SH2D4A: variants seen among roughly 807,000 people sequenced by gnomAD.
SH2D4A encodes the protein SH2 domain containing 4A, also known as SH2 domain-containing protein 4A.
In SH2D4A, 70 loss-of-function variants were observed where a neutral mutation model predicts 64.7. That is an observed-to-expected ratio of 1.08 (90% confidence interval 0.89 to 1.32). The LOEUF is 1.32. Ranked by LOEUF, SH2D4A falls within the 40% of genes most tolerant of loss-of-function variation. SH2D4A has a pLI of 0.00. For synonymous variants in SH2D4A, 268 were observed against 200.7 expected, an observed-to-expected ratio of 1.34 and a Z score of -2.83; for missense variants, 706 against 540.1, an observed-to-expected ratio of 1.31 and a Z score of -3.04.
intron 4 of SH2D4A, among the ~76,000 whole-genome samples, chr8:19,349,314 T>C (rs1229276364): frequency 6.6e-6 from 1 of 152,208 alleles, no homozygotes; most frequent in Admixed American, 6.5e-5. Flanking sequence ...AATAAAATCT[T>C]ATATAAGATA....
intron 2 of SH2D4A, 21 bp from the exon 3 acceptor site, chr8:19,332,934 T>G: frequency 6.2e-7 from 1 of 1,603,068 alleles, no homozygotes; most frequent in East Asian, 2.2e-5. Flanking sequence ...CTGAATTTTT[T>G]GTTTGTGTGT....
intron 4 of SH2D4A, among the ~76,000 whole-genome samples, chr8:19,356,632 C>T (rs956293922): frequency 1.3e-5 from 2 of 152,144 alleles, no homozygotes; most frequent in Admixed American, 6.6e-5. Flanking sequence ...AATCTGGGAA[C>T]CCCAGTGGGG....
intron 4 of SH2D4A, among the ~76,000 whole-genome samples, chr8:19,357,000 A>G (rs554448109): frequency 6.6e-6 from 1 of 152,306 alleles, no homozygotes; most frequent in South Asian, 2.1e-4. Context: ...TCTAAGCCCT[A>G]CTGAGTGGGG....
At chr8:19,325,303 A>T (rs555930199) in intron 2 of SH2D4A, among the ~76,000 whole-genome samples, 23 of 152,296 alleles carry the variant, frequency 1.5e-4, no homozygotes, top group African/African-American at 5.5e-4. Context: ...CAAGCATAAG[A>T]TTTGTATTCA....
At position 19,391,740 on chromosome 8, in the gene SH2D4A, G is replaced by T. The variant is rs10107817; in HGVS notation, c.1049-1578G>T. Among the ~76,000 whole-genome samples the T allele has an allele frequency of 6.8e-3, 1,039 of 152,264 alleles. 11 individuals are homozygous for T. The highest frequency in any genetic ancestry group is 0.024 in the African/African-American group (984 of 41,552). ...TTTAAAATCCTCCTGTCATTCAAGGGTCTGTTTACAGAAAAGAGAACAGAC... is the reference window on the plus strand; with the variant it reads ...TTTAAAATCCTCCTGTCATTCAAGGTTCTGTTTACAGAAAAGAGAACAGAC... On this transcript the variant is annotated intron_variant, in intron 8 of 9. Transcript: ENST00000265807.
chr8:19,388,098 A>G (rs535972707), intron 8 of SH2D4A, among the ~76,000 whole-genome samples: 1 of 152,192 alleles, frequency 6.6e-6, no homozygotes, highest in African/African-American at 2.4e-5. Flanking sequence ...TGAGAAATGA[A>G]CACCCCTTTG....
At chr8:19,380,946 T>C (rs943844039) in intron 8 of SH2D4A, among the ~76,000 whole-genome samples, 3 of 152,200 alleles carry the variant, frequency 2.0e-5, no homozygotes, top group African/African-American at 4.8e-5. Flanking sequence ...TGAATCTGTA[T>C]ATCATTTTGC....
Position 19,393,536 on chromosome 8 carries a change from C to T in SH2D4A, c.1267C>T (p.His423Tyr), listed in dbSNP as rs374658136. ...HATLADLVEY[H>Y]KEEPITSLGK... ...CACCTTGGCGGATTTGGTGGAATAT[C>T]ACAAGGTGAAGCAATGCATAAACTT... is the stretch of plus-strand genomic sequence containing the variant. Residue 423 changes from histidine (H) to tyrosine (Y), a missense_variant, in exon 9 of 10, where the codon CAC becomes TAC. Coordinates refer to ENST00000265807, the MANE Select transcript of SH2D4A (RefSeq NM_022071.4). 6.2e-7 allele frequency: 1 copy of T among 1,613,964 alleles called. No homozygotes were observed. The highest frequency in any genetic ancestry group is 1.3e-5 in the African/African-American group (1 of 74,934).
intron 4 of SH2D4A, among the ~76,000 whole-genome samples, chr8:19,345,659 G>A (rs1205354538): frequency 2.0e-5 from 3 of 152,336 alleles, no homozygotes; most frequent in East Asian, 3.9e-4. Context: ...CTGGGTAATA[G>A]CTAATCTTCT....
chr8:19,366,604 G>A (rs537952138), intron 7 of SH2D4A, among the ~76,000 whole-genome samples: 7 of 152,092 alleles, frequency 4.6e-5, no homozygotes, highest in Admixed American at 2.0e-4. Flanking sequence ...AGACCAGCCC[G>A]ACCAACATGG....
chr8:19,383,666 T>C (rs2053337247), intron 8 of SH2D4A, among the ~76,000 whole-genome samples: 1 of 152,164 alleles, frequency 6.6e-6, no homozygotes. Flanking sequence ...ATAGGCTTTC[T>C]CTATGTCAAG....
chr8:19,360,059 A>G (rs1245490931), intron 5 of SH2D4A, among the ~76,000 whole-genome samples: 1 of 152,186 alleles, frequency 6.6e-6, no homozygotes, highest in East Asian at 1.9e-4. Flanking sequence ...CAAATAAGCA[A>G]AGTACTTTTC....
chr8:19,339,836 T>C (rs927668040), intron 4 of SH2D4A, among the ~76,000 whole-genome samples: 2 of 152,098 alleles, frequency 1.3e-5, no homozygotes, highest in African/African-American at 2.4e-5. Flanking sequence ...GTATCGACAG[T>C]GAGGAGAGGA....
intron 1 of SH2D4A, among the ~76,000 whole-genome samples, chr8:19,316,146 T>C (rs1351617209): frequency 2.0e-5 from 3 of 152,150 alleles, no homozygotes; most frequent in East Asian, 3.9e-4. Context: ...ACCAGTACCA[T>C]TCAGCAGTGG....
intron 3 of SH2D4A, 117 bp from the exon 4 acceptor site, chr8:19,334,569 C>G: frequency 1.8e-6 from 2 of 1,104,192 alleles, no homozygotes; most frequent in Non-Finnish European, 2.5e-6. Flanking sequence ...GTTAGAAGCA[C>G]TCAGTAAGTG....
In SH2D4A at chr8:19,334,818, A is replaced by G; in HGVS notation, c.474A>G (p.Gly158=). 6.2e-7 allele frequency: 1 copy of G among 1,613,846 alleles called. No individual in the cohort carries two copies. The highest frequency in any genetic ancestry group is 8.5e-7 in the Non-Finnish European group (1 of 1,179,930). The change falls in exon 4 of 10, where the codon GGA becomes GGG. Residue 158 remains glycine, a synonymous_variant. Transcript: ENST00000265807. ...KVAEKEELEQ[G]SRPAPTLEEE... is the part of the protein sequence containing the mutation. ...CAGAAAAGGAGGAACTGGAGCAAGG[A>G]TCGAGGCCAGCACCAACCCTGGAAG... is the stretch of plus-strand genomic sequence containing the variant.
At chr8:19,393,132 C>G (rs912728636) in intron 8 of SH2D4A, among the ~76,000 whole-genome samples, 186 bp from the exon 9 acceptor site, 1 of 152,160 alleles carries the variant, frequency 6.6e-6, no homozygotes, top group Non-Finnish European at 1.5e-5. Flanking sequence ...ATAACCTGTT[C>G]ATGTCTAATT....
chr8:19,390,147 G>A (rs889016371), intron 8 of SH2D4A, among the ~76,000 whole-genome samples: 14 of 152,276 alleles, frequency 9.2e-5, no homozygotes, highest in Non-Finnish European at 1.2e-4. Context: ...TTGGGAGGCC[G>A]AGGTGGGCAG....
At chr8:19,364,496 T>C (rs1204499811) in intron 7 of SH2D4A, among the ~76,000 whole-genome samples, 2 of 151,986 alleles carry the variant, frequency 1.3e-5, no homozygotes, top group Non-Finnish European at 2.9e-5. Context: ...ATAGCTGTTA[T>C]ACTTAGTATA....
Sources: allele counts gnomAD v4.1 joint callset (sites outside exome capture counted in the v4.1 genomes callset), GRCh38; gene constraint gnomAD v4.1.1; transcripts MANE v1.5; gene names NCBI Gene and HGNC (gene_info 2026-07-23, HGNC 2026-07-21).